The following CSMD1 variants were observed in gnomAD, a reference collection of about 807,000 sequenced individuals.
CSMD1 encodes CUB and sushi domain-containing protein 1.
In CSMD1, 213 loss-of-function variants were observed where a neutral mutation model predicts 417.5. The observed-to-expected ratio is 0.51, with a 90% confidence interval of 0.46 to 0.57. The LOEUF (loss-of-function observed/expected upper bound fraction) is 0.57. Ranked by LOEUF, CSMD1 falls within the 20% of genes least tolerant of loss-of-function variation. The probability of loss-of-function intolerance (pLI) is 0.00; values close to 1 mark genes in which losing one functional copy is unlikely to be tolerated. For missense variants in CSMD1, 6,923 were observed against 4,529.7 expected (o/e 1.53, Z -15.17); for synonymous variants, 2,862 against 1,736.8 (o/e 1.65, Z -16.11).
chr8:3,787,151 T>C (rs1299406311), intron 5 of CSMD1, among the ~76,000 whole-genome samples: 1 of 152,136 alleles, frequency 6.6e-6, no homozygotes, highest in Non-Finnish European at 1.5e-5. Flanking sequence ...ATTCTGAACA[T>C]GTAATCAGGT....
chr8:4,459,762 C>T (rs556220173), intron 2 of CSMD1, among the ~76,000 whole-genome samples: 1 of 152,268 alleles, frequency 6.6e-6, no homozygotes, highest in African/African-American at 2.4e-5. Flanking sequence ...AGCCTCTAGC[C>T]TCCAGAACTA....
chr8:3,234,959 A>G (rs1799065832), intron 26 of CSMD1, among the ~76,000 whole-genome samples: 1 of 152,236 alleles, frequency 6.6e-6, no homozygotes, highest in Non-Finnish European at 1.5e-5. Flanking sequence ...ATCCTACTGT[A>G]CATGCACAAT....
At chr8:4,070,648 T>C (rs2740871) in intron 3 of CSMD1, among the ~76,000 whole-genome samples, 134,058 of 152,166 alleles carry the variant, frequency 0.88, 59,434 homozygotes, top group East Asian at 1. Flanking sequence ...TGAGCCACCG[T>C]GCCCGGCCAC....
In CSMD1 at chr8:3,155,588, C is replaced by T. The variant is rs141471236; in HGVS notation, c.5914+2309G>A. Among the ~76,000 whole-genome samples, 785 of 151,568 alleles carry T rather than the reference C, an allele frequency of 5.2e-3. 4 individuals carry two copies. The highest frequency in any genetic ancestry group is 0.011 in the African/African-American group (453 of 41,354). On this transcript the variant is annotated intron_variant, in intron 39 of 69. Coordinates refer to ENST00000635120, the MANE Select transcript of CSMD1 (RefSeq NM_033225.6). ...TTTACCGTGTTAGCCAGGATGGTCT[C>T]GATCTCCTGACTTCGTGATCCACTC...
chr8:3,756,071 T>C (rs865847019), intron 5 of CSMD1, among the ~76,000 whole-genome samples: 10 of 152,140 alleles, frequency 6.6e-5, no homozygotes, highest in South Asian at 4.1e-4. Flanking sequence ...TAAAAAATCA[T>C]TGTGGCCGGG....
chr8:4,994,229 C>T (rs1303124786), intron 1 of CSMD1, 103 bp downstream of exon 1: 4 of 976,778 alleles, frequency 4.1e-6, no homozygotes, highest in Non-Finnish European at 4.6e-6. Flanking sequence ...CGGGCAGAGG[C>T]GGCCACTCCG....
At chr8:3,905,622 A>G (rs942546811) in intron 5 of CSMD1, among the ~76,000 whole-genome samples, 7 of 152,190 alleles carry the variant, frequency 4.6e-5, no homozygotes, top group Non-Finnish European at 8.8e-5. Context: ...GTGACTGAAA[A>G]TTTACATTTC....
intron 40 of CSMD1, among the ~76,000 whole-genome samples, chr8:3,147,880 T>C (rs1818935736): frequency 6.6e-6 from 1 of 152,222 alleles, no homozygotes; most frequent in Non-Finnish European, 1.5e-5. Context: ...GCTGGTTAAC[T>C]GGTTACTTGC....
intron 3 of CSMD1, 57 bp from the exon 4 acceptor site, chr8:4,032,156 AC>A (rs1474943130): frequency 7.5e-7 from 1 of 1,340,476 alleles, no homozygotes; most frequent in Admixed American, 1.9e-5. Context: ...ATGGAGAGCC[AC>A]TTATAAGATA....
At chr8:4,723,138 T>C (rs1809174624) in intron 1 of CSMD1, among the ~76,000 whole-genome samples, 1 of 152,142 alleles carries the variant, frequency 6.6e-6, no homozygotes, top group South Asian at 2.1e-4. Flanking sequence ...TTAAAATCTA[T>C]TTGAGTGCAT....
At position 4,681,231 on chromosome 8, in the gene CSMD1, T is replaced by C. The variant is rs140104586; in HGVS notation, c.86-43673A>G. Among the ~76,000 whole-genome samples, 610 of 152,192 alleles carry C rather than the reference T, an allele frequency of 4.0e-3. 3 individuals are homozygous for C. Among genetic ancestry groups the C allele is most frequent in the Admixed American group, 6.8e-3 (104 of 15,286 alleles). ...GGAAATGAGAGAGGTCATTTGAAAA[T>C]AAGACCCTAGATATCGATATGAATA... On this transcript the variant is annotated intron_variant, in intron 1 of 69. Coordinates refer to ENST00000635120, the MANE Select transcript of CSMD1 (RefSeq NM_033225.6).
chr8:4,672,607 C>G (rs543967116), intron 1 of CSMD1, among the ~76,000 whole-genome samples: 2 of 152,016 alleles, frequency 1.3e-5, no homozygotes, highest in Admixed American at 1.3e-4. Context: ...AAATGTGCTA[C>G]GTATGCAGAA....
intron 7 of CSMD1, among the ~76,000 whole-genome samples, chr8:3,665,257 A>G (rs1255860943): frequency 6.6e-6 from 1 of 152,286 alleles, no homozygotes; most frequent in East Asian, 1.9e-4. Flanking sequence ...ACAGTGGCTC[A>G]CATCTGTAAT....
chr8:4,161,953 A>G (rs1797198357), intron 3 of CSMD1, among the ~76,000 whole-genome samples: 1 of 152,206 alleles, frequency 6.6e-6, no homozygotes, highest in Non-Finnish European at 1.5e-5. Context: ...TATAGTACAC[A>G]ACATACCTTT....
intron 3 of CSMD1, among the ~76,000 whole-genome samples, chr8:4,303,420 C>CTTTTTTTTTTTTTTTTTTTTTT (rs1563419612): frequency 2.2e-5 from 2 of 92,318 alleles, no homozygotes; most frequent in African/African-American, 4.3e-5. Context: ...GGGCAGGAAG[C>CTTTTTTTTTTTTTTTTTTTTTT]TGTTTTTTTT....
chr8:3,350,006 C>T (rs1227465980), intron 21 of CSMD1, among the ~76,000 whole-genome samples: 3 of 142,106 alleles, frequency 2.1e-5, no homozygotes, highest in Non-Finnish European at 4.5e-5. Flanking sequence ...TGTTATAATA[C>T]CTATAATAAC....
intron 47 of CSMD1, 28 bp from the exon 48 acceptor site, chr8:3,091,690 T>C (rs1377276119): frequency 6.3e-7 from 1 of 1,596,500 alleles, no homozygotes; most frequent in Non-Finnish European, 8.5e-7. Flanking sequence ...ACAAAAACAT[T>C]CAGAGATGAG....
At chr8:4,733,008 T>A (rs112346188) in intron 1 of CSMD1, among the ~76,000 whole-genome samples, 1,895 of 142,388 alleles carry the variant, frequency 0.013, 56 homozygotes, top group African/African-American at 0.046. Context: ...CCTCTTTCAT[T>A]TGCACGGTTT....
At chr8:3,794,019 A>G (rs1799899015) in intron 5 of CSMD1, among the ~76,000 whole-genome samples, 1 of 152,162 alleles carries the variant, frequency 6.6e-6, no homozygotes, top group Non-Finnish European at 1.5e-5. Context: ...CCACGCGTAG[A>G]CAGACGAAAG....
Sources: allele counts gnomAD v4.1 joint callset (sites outside exome capture counted in the v4.1 genomes callset), GRCh38; gene constraint gnomAD v4.1.1; transcripts MANE v1.5; gene names NCBI Gene and HGNC (gene_info 2026-07-23, HGNC 2026-07-21).